SLC24A2: variants seen among roughly 807,000 people sequenced by gnomAD.
SLC24A2 encodes the protein solute carrier family 24 member 2.
SLC24A2 carries 36 observed loss-of-function variants against 62.0 expected under a neutral mutation model. The observed-to-expected ratio is 0.58, with a 90% confidence interval of 0.44 to 0.77. SLC24A2 has a LOEUF of 0.77. Ranked by LOEUF, SLC24A2 falls within the 30% of genes least tolerant of loss-of-function variation. The pLI, the probability that SLC24A2 is intolerant of heterozygous loss-of-function variation, is 0.00. For missense variants in SLC24A2, 846 were observed against 817.9 expected, an observed-to-expected ratio of 1.03 and a Z score of -0.42; for synonymous variants, 358 against 294.0, an observed-to-expected ratio of 1.22 and a Z score of -2.23.
intron 2 of SLC24A2, among the ~76,000 whole-genome samples, chr9:19,664,023 G>A (rs560641643): frequency 2.0e-4 from 30 of 152,340 alleles, no homozygotes; most frequent in South Asian, 1.7e-3. Context: ...GTGGTGCCTC[G>A]CCTTGAAATG....
chr9:19,533,947 T>G (rs1312038059), intron 8 of SLC24A2, among the ~76,000 whole-genome samples: 1 of 152,240 alleles, frequency 6.6e-6, no homozygotes, highest in Admixed American at 6.5e-5. Context: ...CCAATATGCT[T>G]TGTGAATAAA....
the SLC24A2 span, among the ~76,000 whole-genome samples, chr9:19,854,901 C>CCCACTATTATT: frequency 2.6e-5 from 4 of 152,138 alleles, no homozygotes; most frequent in Non-Finnish European, 5.9e-5. Flanking sequence ...GTTAAAGTCT[C>CCCACTATTATT]CCACTATTAT....
At chr9:19,649,012 A>C (rs930578356) in intron 2 of SLC24A2, among the ~76,000 whole-genome samples, 56 of 151,198 alleles carry the variant, frequency 3.7e-4, no homozygotes, top group African/African-American at 4.8e-4. Flanking sequence ...AAAAAAAAAA[A>C]AAAAAAACAA....
the SLC24A2 span, among the ~76,000 whole-genome samples, chr9:20,138,527 G>A: frequency 6.6e-6 from 1 of 152,134 alleles, no homozygotes; most frequent in African/African-American, 2.4e-5. Flanking sequence ...ATTCCAAAAT[G>A]TTTTGCCTAT....
chr9:20,303,142 AG>A, the SLC24A2 span, among the ~76,000 whole-genome samples: 1 of 152,162 alleles, frequency 6.6e-6, no homozygotes, highest in Non-Finnish European at 1.5e-5. Flanking sequence ...TTTAAAAAAA[AG>A]GAAAAATTCA....
At chr9:20,172,669 C>G in the SLC24A2 span, among the ~76,000 whole-genome samples, 1 of 151,908 alleles carries the variant, frequency 6.6e-6, no homozygotes, top group Non-Finnish European at 1.5e-5. Flanking sequence ...ATACCCTGAA[C>G]AGCCCAATAA....
chr9:19,557,614 T>G (rs931827103), intron 7 of SLC24A2, among the ~76,000 whole-genome samples: 5 of 152,216 alleles, frequency 3.3e-5, no homozygotes, highest in African/African-American at 1.2e-4. Context: ...AGTCAAGGCA[T>G]GCAGCTGCCA....
the SLC24A2 span, among the ~76,000 whole-genome samples, chr9:20,190,173 C>T: frequency 6.6e-6 from 1 of 152,182 alleles, no homozygotes; most frequent in Non-Finnish European, 1.5e-5. Flanking sequence ...TATGTGGTTG[C>T]TCTGCTGGTA....
At chr9:20,257,205 C>T in the SLC24A2 span, among the ~76,000 whole-genome samples, 1 of 152,142 alleles carries the variant, frequency 6.6e-6, no homozygotes, top group Admixed American at 6.5e-5. Flanking sequence ...TATACACAGC[C>T]AGACTGGTTT....
chr9:20,144,564 T>C, the SLC24A2 span, among the ~76,000 whole-genome samples: 1 of 152,134 alleles, frequency 6.6e-6, no homozygotes, highest in Non-Finnish European at 1.5e-5. Context: ...CATAGCAAGA[T>C]CCACTGTTTA....
At chr9:19,781,483 G>C (rs1823019487) in intron 2 of SLC24A2, among the ~76,000 whole-genome samples, 1 of 152,106 alleles carries the variant, frequency 6.6e-6, no homozygotes, top group African/African-American at 2.4e-5. Flanking sequence ...AATGGCCAAG[G>C]GCAATTTGAA....
chr9:20,224,001 A>G, the SLC24A2 span, among the ~76,000 whole-genome samples: 1 of 152,014 alleles, frequency 6.6e-6, no homozygotes, highest in Admixed American at 6.6e-5. Context: ...GTGAGGAATG[A>G]ACTGACAAAC....
the SLC24A2 span, among the ~76,000 whole-genome samples, chr9:20,251,795 A>T: frequency 6.6e-6 from 1 of 152,208 alleles, no homozygotes; most frequent in Admixed American, 6.5e-5. Context: ...ATTCTCCAAG[A>T]TCCCTCTGTC....
At position 19,529,135 on chromosome 9, in the gene SLC24A2, T is replaced by C. The variant is rs111272806; in HGVS notation, c.1480-997A>G. On this transcript the variant is annotated intron_variant, in intron 8 of 10. Transcript: ENST00000341998. ...TCTTGCCTATTATTGCCAAACACTT[T>C]ATTTGAAAGCTTTCCACGTTGAGAA... 2.9e-3 allele frequency among the ~76,000 whole-genome samples: 437 copies of C among 151,982 alleles called. 3 individuals are homozygous for C. The highest frequency in any genetic ancestry group is 0.01 in the African/African-American group (421 of 41,254).
chr9:19,964,693 AAGG>A, the SLC24A2 span, among the ~76,000 whole-genome samples: 1 of 152,186 alleles, frequency 6.6e-6, no homozygotes, highest in Non-Finnish European at 1.5e-5. Flanking sequence ...ATTCCCACCC[AAGG>A]AGAAGGGAAG....
At chr9:19,614,025 T>G (rs974643796) in intron 4 of SLC24A2, among the ~76,000 whole-genome samples, 1 of 152,216 alleles carries the variant, frequency 6.6e-6, no homozygotes, top group African/African-American at 2.4e-5. Context: ...CTGCAAATGT[T>G]GGTTGGTGCT....
At chr9:20,175,189 A>T in the SLC24A2 span, among the ~76,000 whole-genome samples, 4,196 of 151,936 alleles carry the variant, frequency 0.028, 166 homozygotes, top group African/African-American at 0.083. Context: ...AGCTATGAGG[A>T]TGTGAAGACA....
intron 5 of SLC24A2, among the ~76,000 whole-genome samples, chr9:19,594,605 C>T (rs1278359878): frequency 1.3e-5 from 2 of 152,172 alleles, no homozygotes; most frequent in African/African-American, 2.4e-5. Context: ...CATGGACAAT[C>T]ACAACAAAGC....
At chr9:20,049,016 T>C in the SLC24A2 span, among the ~76,000 whole-genome samples, 1 of 152,336 alleles carries the variant, frequency 6.6e-6, no homozygotes, top group East Asian at 1.9e-4. Flanking sequence ...TGTGCCATGT[T>C]GGTGTGCTGC....
Sources: gnomAD v4.1 joint callset for allele counts (sites outside exome capture counted in the v4.1 genomes callset) on GRCh38, gnomAD v4.1.1 for gene constraint, MANE v1.5 for transcripts, NCBI Gene and HGNC (gene_info 2026-07-23, HGNC 2026-07-21) for gene names.